Variants in TRAPPC9 observed in about 807,000 individuals in gnomAD.
The protein encoded by TRAPPC9 is trafficking protein particle complex subunit 9, also known as IKK2 binding protein.
In TRAPPC9, 83 loss-of-function variants were observed where a neutral mutation model predicts 124.0. The ratio of observed to expected loss-of-function variants is 0.67; its 90% CI spans 0.56 to 0.80. The LOEUF (loss-of-function observed/expected upper bound fraction) is 0.80, where lower values mean the gene tolerates loss of function less well. Among genes scored for constraint, TRAPPC9 ranks in the 30% least tolerant of loss-of-function variants. TRAPPC9 has a pLI of 0.00. For synonymous variants in TRAPPC9, 638 were observed against 617.5 expected, an observed-to-expected ratio of 1.03 and a Z score of -0.49; for missense variants, 1,302 against 1,508.3, an observed-to-expected ratio of 0.86 and a Z score of 2.27.
intron 17 of TRAPPC9, among the ~76,000 whole-genome samples, chr8:140,069,239 A>G (rs1050849670): frequency 2.6e-5 from 4 of 152,220 alleles, no homozygotes; most frequent in African/African-American, 7.2e-5. Context: ...TGAGTGTAGC[A>G]GTGGCGCAGA....
chr8:140,327,977 G>A (rs369210328), intron 9 of TRAPPC9, among the ~76,000 whole-genome samples: 32 of 152,242 alleles, frequency 2.1e-4, no homozygotes, highest in African/African-American at 4.6e-4. Context: ...AAAATTGGCC[G>A]GGCGCGGTGG....
chr8:139,857,334 G>A (rs1465159942), intron 21 of TRAPPC9, among the ~76,000 whole-genome samples: 1 of 152,222 alleles, frequency 6.6e-6, no homozygotes, highest in African/African-American at 2.4e-5. Flanking sequence ...CTGTCCCATG[G>A]AGGCAAGGCG....
At chr8:139,988,657 A>C in intron 19 of TRAPPC9, 69 bp downstream of exon 19, 2 of 1,067,990 alleles carry the variant, frequency 1.9e-6, no homozygotes, top group Admixed American at 4.0e-5. Context: ...TTATCTCCAC[A>C]CCCTCCCAAG....
intron 13 of TRAPPC9, among the ~76,000 whole-genome samples, chr8:140,284,415 T>C (rs1306288169): frequency 2.6e-5 from 4 of 152,230 alleles, no homozygotes; most frequent in Non-Finnish European, 4.4e-5. Context: ...ACTTAATGAG[T>C]ATGTGAAAAA....
At chr8:140,338,505 T>G (rs2067103681) in intron 9 of TRAPPC9, among the ~76,000 whole-genome samples, 2 of 152,066 alleles carry the variant, frequency 1.3e-5, no homozygotes, top group South Asian at 4.2e-4. Context: ...CCCGCAAAAT[T>G]CGTATATTGA....
intron 20 of TRAPPC9, among the ~76,000 whole-genome samples, chr8:139,888,559 C>T (rs184222663): frequency 9.9e-4 from 150 of 152,272 alleles, no homozygotes; most frequent in African/African-American, 3.5e-3. Context: ...AACTTCTCTC[C>T]TTGCCCCAGG....
chr8:139,826,886 G>C (rs938701396), intron 21 of TRAPPC9, among the ~76,000 whole-genome samples: 4 of 152,212 alleles, frequency 2.6e-5, no homozygotes, highest in Non-Finnish European at 4.4e-5. Context: ...ACAGAAGCCG[G>C]AGACACACCA....
At chr8:140,299,824 C>T (rs1376801943) in intron 11 of TRAPPC9, among the ~76,000 whole-genome samples, 5 of 152,226 alleles carry the variant, frequency 3.3e-5, no homozygotes, top group East Asian at 1.9e-4. Flanking sequence ...TGTCCACTCC[C>T]AGTCTCTCCC....
intron 11 of TRAPPC9, among the ~76,000 whole-genome samples, chr8:140,297,732 C>G (rs930530567): frequency 1.2e-4 from 18 of 152,200 alleles, no homozygotes; most frequent in African/African-American, 4.3e-4. Flanking sequence ...ATTGTTCATT[C>G]GAGTTCAACG....
At chr8:139,967,833 T>C (rs1004239213) in intron 19 of TRAPPC9, among the ~76,000 whole-genome samples, 4 of 152,236 alleles carry the variant, frequency 2.6e-5, no homozygotes, top group African/African-American at 9.6e-5. Context: ...GCTTTGTTTT[T>C]GTTTTTAAAA....
intron 19 of TRAPPC9, among the ~76,000 whole-genome samples, chr8:139,973,769 G>A (rs1240476689): frequency 6.6e-6 from 1 of 152,108 alleles, no homozygotes; most frequent in Admixed American, 6.5e-5. Context: ...CTGGGAGGCT[G>A]GGGGAGGAGG....
At chr8:140,270,228 A>C (rs1374147667) in intron 15 of TRAPPC9, among the ~76,000 whole-genome samples, 3 of 152,162 alleles carry the variant, frequency 2.0e-5, no homozygotes, top group Non-Finnish European at 4.4e-5. Flanking sequence ...GCGGTGTCTA[A>C]GGTAGAGCAG....
In TRAPPC9 at chr8:140,122,113, A is replaced by G. The variant is rs146555390; in HGVS notation, c.2557-98034T>C. On this transcript the variant is annotated intron_variant, in intron 17 of 22. Coordinates refer to ENST00000438773, the MANE Select transcript of TRAPPC9 (RefSeq NM_001160372.4). ...TGAGGATGCAAACAGTCATGCTGGG[A>G]AACTTCAATGAGTCAAGGATCTGCA... Among the ~76,000 whole-genome samples, 1,159 of 151,816 alleles carry G rather than the reference A, an allele frequency of 7.6e-3. 13 individuals are homozygous for G. The highest frequency in any genetic ancestry group is 0.026 in the African/African-American group (1,081 of 41,352).
rs530841944 is a variant in TRAPPC9, at chr8:140,399,828, GT to G, written c.1009-2084del. Among the ~76,000 whole-genome samples, 6 of 152,260 alleles carry G rather than the reference GT, an allele frequency of 3.9e-5. No homozygotes were observed. In the East Asian group the frequency reaches 1.2e-3, roughly 29 times the overall value. On this transcript the variant is annotated intron_variant, in intron 6 of 22. Coordinates refer to ENST00000438773, the MANE Select transcript of TRAPPC9 (RefSeq NM_001160372.4). ...GGACATGAGATTTGAGGGGCCAGGG[GT>G]GGAATGACAATAATCTGACTCTGTG...
intron 17 of TRAPPC9, among the ~76,000 whole-genome samples, chr8:140,086,225 G>A (rs1277700940): frequency 2.0e-5 from 3 of 152,160 alleles, no homozygotes; most frequent in Non-Finnish European, 4.4e-5. Context: ...AGTACAAGAG[G>A]ATCCCAGAGT....
At chr8:139,979,772 G>A (rs1220940781) in intron 19 of TRAPPC9, among the ~76,000 whole-genome samples, 1 of 152,194 alleles carries the variant, frequency 6.6e-6, no homozygotes, top group Non-Finnish European at 1.5e-5. Flanking sequence ...CAGCGTCGAG[G>A]ACAGGACAGT....
At chr8:140,209,990 T>C (rs2063018635) in intron 17 of TRAPPC9, among the ~76,000 whole-genome samples, 1 of 152,248 alleles carries the variant, frequency 6.6e-6, no homozygotes, top group Non-Finnish European at 1.5e-5. Context: ...CTTTCTAAGC[T>C]GTTCAGTCAT....
intron 17 of TRAPPC9, among the ~76,000 whole-genome samples, chr8:140,209,623 T>C (rs533836858): frequency 1.3e-5 from 2 of 152,352 alleles, no homozygotes; most frequent in Admixed American, 1.3e-4. Context: ...TGGGACAGAT[T>C]AGAAATAATT....
intron 7 of TRAPPC9, among the ~76,000 whole-genome samples, chr8:140,378,541 A>G (rs2068514305): frequency 6.6e-6 from 1 of 152,160 alleles, no homozygotes; most frequent in African/African-American, 2.4e-5. Context: ...GGAACCTTGT[A>G]ATCATGTGAG....
Sources: gnomAD v4.1 joint callset for allele counts (sites outside exome capture counted in the v4.1 genomes callset) on GRCh38, gnomAD v4.1.1 for gene constraint, MANE v1.5 for transcripts, NCBI Gene and HGNC (gene_info 2026-07-23, HGNC 2026-07-21) for gene names.